The following GNAL variants were observed in gnomAD, a reference collection of about 807,000 sequenced individuals.
The protein encoded by GNAL is guanine nucleotide-binding protein G(olf) subunit alpha.
In GNAL, 18 loss-of-function variants were observed where a neutral mutation model predicts 55.1. The ratio of observed to expected loss-of-function variants is 0.33; its 90% CI spans 0.23 to 0.48. The LOEUF (loss-of-function observed/expected upper bound fraction) is 0.48, where lower values mean the gene tolerates loss of function less well. Among genes scored for constraint, GNAL ranks in the 20% least tolerant of loss-of-function variants. GNAL has a pLI of 0.99. For synonymous variants in GNAL, 253 were observed against 237.0 expected (o/e 1.07, Z -0.62); for missense variants, 412 against 614.1 (o/e 0.67, Z 3.48).
chr18:11,716,713 CAG>C (rs2031975445), intron 1 of GNAL, among the ~76,000 whole-genome samples: 1 of 152,208 alleles, frequency 6.6e-6, no homozygotes, highest in African/African-American at 2.4e-5. Context: ...TAGCTAGATA[CAG>C]AGTGTCGATT....
At chr18:11,821,415 T>C (rs1262352863) in intron 4 of GNAL, among the ~76,000 whole-genome samples, 1 of 152,244 alleles carries the variant, frequency 6.6e-6, no homozygotes, top group Non-Finnish European at 1.5e-5. Context: ...TTAACTGATC[T>C]GAGCACAATG....
At chr18:11,786,683 C>G (rs1355368975) in intron 4 of GNAL, among the ~76,000 whole-genome samples, 1 of 148,272 alleles carries the variant, frequency 6.7e-6, no homozygotes, top group Admixed American at 6.6e-5. Context: ...CATCTCCTGA[C>G]CTCGTGATCT....
intron 4 of GNAL, among the ~76,000 whole-genome samples, chr18:11,764,095 T>C (rs1167145673): frequency 2.6e-5 from 4 of 152,044 alleles, no homozygotes; most frequent in Non-Finnish European, 5.9e-5. Flanking sequence ...TGTACAAATA[T>C]CCTGTTTTTT....
intron 4 of GNAL, among the ~76,000 whole-genome samples, chr18:11,799,615 G>A (rs1488218079): frequency 1.3e-5 from 2 of 151,962 alleles, no homozygotes; most frequent in Admixed American, 1.3e-4. Flanking sequence ...GACACTCAAA[G>A]GAAATACTCA....
chr18:11,820,987 C>G (rs1015202635), intron 4 of GNAL, among the ~76,000 whole-genome samples: 5 of 152,234 alleles, frequency 3.3e-5, no homozygotes, highest in African/African-American at 1.2e-4. Flanking sequence ...GGCTTCAGCT[C>G]AAACCTAGAG....
chr18:11,806,795 G>C (rs907538999), intron 4 of GNAL, among the ~76,000 whole-genome samples: 7 of 140,000 alleles, frequency 5.0e-5, no homozygotes, highest in African/African-American at 1.9e-4. Flanking sequence ...GAAATGATTT[G>C]TTCTCATCAT....
intron 5 of GNAL, among the ~76,000 whole-genome samples, chr18:11,842,310 G>A (rs766007447): frequency 6.6e-6 from 1 of 152,026 alleles, no homozygotes; most frequent in Non-Finnish European, 1.5e-5. Flanking sequence ...CTAATGACTT[G>A]GTGTAGCGGC....
chr18:11,839,919 A>T (rs1444985264), intron 5 of GNAL, among the ~76,000 whole-genome samples: 2 of 152,362 alleles, frequency 1.3e-5, no homozygotes, highest in East Asian at 3.9e-4. Flanking sequence ...TTAAGGTATA[A>T]GGAAGCTGCT....
At chr18:11,721,201 A>G (rs73397841) in intron 1 of GNAL, among the ~76,000 whole-genome samples, 4,558 of 152,364 alleles carry the variant, frequency 0.03, 74 homozygotes, top group African/African-American at 0.042. Flanking sequence ...CGATGTTCAC[A>G]GAAGTAAATT....
chr18:11,790,622 G>A (rs920682731), intron 4 of GNAL, among the ~76,000 whole-genome samples: 4 of 151,242 alleles, frequency 2.6e-5, no homozygotes, highest in Non-Finnish European at 5.9e-5. Flanking sequence ...CTTCCAGCCT[G>A]GCTGATGGTT....
chr18:11,742,265 T>G (rs2032593111), intron 1 of GNAL, among the ~76,000 whole-genome samples: 1 of 152,246 alleles, frequency 6.6e-6, no homozygotes, highest in South Asian at 2.1e-4. Flanking sequence ...CAGAAAAAGC[T>G]AGGAAATCCT....
At chr18:11,846,179 T>C (rs2035730619) in intron 5 of GNAL, among the ~76,000 whole-genome samples, 1 of 152,012 alleles carries the variant, frequency 6.6e-6, no homozygotes, top group African/African-American at 2.4e-5. Flanking sequence ...AGTTGTTCAG[T>C]GTAAAGAAGG....
intron 1 of GNAL, among the ~76,000 whole-genome samples, chr18:11,705,254 A>G (rs879334036): frequency 6.6e-6 from 1 of 152,122 alleles, no homozygotes; most frequent in Non-Finnish European, 1.5e-5. Flanking sequence ...CTCCAGGTTC[A>G]TCCATGTTGT....
intron 5 of GNAL, among the ~76,000 whole-genome samples, chr18:11,842,029 A>G (rs980269865): frequency 2.0e-5 from 3 of 151,838 alleles, no homozygotes; most frequent in Non-Finnish European, 2.9e-5. Flanking sequence ...CTGAAGTGCA[A>G]TGGTGCAATC....
intron 5 of GNAL, 28 bp downstream of exon 5, chr18:11,825,043 G>A: frequency 1.6e-6 from 2 of 1,214,912 alleles, no homozygotes; most frequent in Non-Finnish European, 1.2e-6. Flanking sequence ...CAAGTTACAG[G>A]GCCCTTTGAA....
At chr18:11,854,435 T>C (rs781283895) in intron 5 of GNAL, 2 of 167,126 alleles carry the variant, frequency 1.2e-5, no homozygotes, top group Non-Finnish European at 1.5e-5. Flanking sequence ...TTAAATCATT[T>C]TAAACTGCAT....
At chr18:11,781,092 G>A (rs78791082) in intron 4 of GNAL, among the ~76,000 whole-genome samples, 2,051 of 152,320 alleles carry the variant, frequency 0.013, 15 homozygotes, top group African/African-American at 0.027. Context: ...GTGCTGACCA[G>A]AACTACCAGT....
intron 5 of GNAL, among the ~76,000 whole-genome samples, chr18:11,837,439 G>A (rs535272512): frequency 1.3e-5 from 2 of 152,148 alleles, no homozygotes; most frequent in Non-Finnish European, 2.9e-5. Context: ...TAAGTAAACC[G>A]ATTTTTAAAT....
At chr18:11,849,461 T>A (rs1048023194) in intron 5 of GNAL, among the ~76,000 whole-genome samples, 2 of 142,772 alleles carry the variant, frequency 1.4e-5, no homozygotes, top group Non-Finnish European at 3.0e-5. Flanking sequence ...AAGATCACAC[T>A]ACTGCACTCC....
Sources: gnomAD v4.1 joint callset for allele counts (sites outside exome capture counted in the v4.1 genomes callset) on GRCh38, gnomAD v4.1.1 for gene constraint, MANE v1.5 for transcripts, NCBI Gene and HGNC (gene_info 2026-07-23, HGNC 2026-07-21) for gene names.